TUBB4B: variants seen among roughly 807,000 people sequenced by gnomAD.
TUBB4B encodes the protein tubulin beta-4B chain.
TUBB4B carries 7 observed loss-of-function variants against 34.3 expected under a neutral mutation model. That is an observed-to-expected ratio of 0.20 (90% CI 0.12 to 0.38). The LOEUF (loss-of-function observed/expected upper bound fraction) is 0.38. TUBB4B is among the 10% of genes least tolerant of loss of function. The probability of loss-of-function intolerance (pLI) is 1.00; values close to 1 mark genes in which losing one functional copy is unlikely to be tolerated. For synonymous variants in TUBB4B, 390 were observed against 250.2 expected, an observed-to-expected ratio of 1.56 and a Z score of -5.27; for missense variants, 178 against 610.9, an observed-to-expected ratio of 0.29 and a Z score of 7.47.
chr9:137,242,814 C>T lies in TUBB4B; in HGVS notation c.596C>T (p.Thr199Ile). 1.2e-6 allele frequency: 2 copies of T among 1,613,860 alleles called. No homozygotes were observed. The highest frequency in any genetic ancestry group is 8.5e-7 in the Non-Finnish European group (1 of 1,180,026). ...CAGCTCGTAGAAAACACAGACGAGA[C>T]CTACTGCATTGATAACGAAGCTCTC... ...VHQLVENTDETYCIDNEALYD... is the reference protein window; with the variant it reads ...VHQLVENTDEIYCIDNEALYD... Residue 199 changes from threonine to isoleucine, a missense_variant, in exon 4 of 4, where the codon ACC becomes ATC. By Grantham distance (89) the Thr-to-Ile change is moderately conservative (BLOSUM62 -1). Coordinates refer to ENST00000340384, the MANE Select transcript of TUBB4B (RefSeq NM_006088.6).
chr9:137,243,376 G>A lies in TUBB4B; in HGVS notation c.1158G>A (p.Thr386=), dbSNP rs552169856. The A allele has an allele frequency of 3.5e-5, 56 of 1,613,558 alleles. 1 individual carries two copies. The highest frequency in any genetic ancestry group is 8.8e-5 in the South Asian group (8 of 91,088). ...ELFKRISEQF[T]AMFRRKAFLH... ...TCAAGCGCATCTCCGAGCAGTTCAC[G>A]GCCATGTTCCGGCGCAAGGCCTTCC... The change falls in exon 4 of 4, where the codon ACG becomes ACA. Residue 386 remains threonine (T), a synonymous_variant. Transcript: ENST00000340384.
At chr9:137,242,381 C>T (rs1836772788) in intron 3 of TUBB4B, 115 bp from the exon 4 acceptor site, 7 of 1,305,994 alleles carry the variant, frequency 5.4e-6, no homozygotes, top group East Asian at 4.9e-5. Context: ...TTTGCTCTAC[C>T]TCCAGGGTGA....
At chr9:137,241,484 TGGCGGCAGC>T in intron 1 of TUBB4B, 67 bp downstream of exon 1, 3 of 1,278,764 alleles carry the variant, frequency 2.3e-6, no homozygotes, top group Non-Finnish European at 3.0e-6. Context: ...CCGGGGAAGA[TGGCGGCAGC>T]AGCGGCCGGG....
Position 137,241,954 on chromosome 9 carries a change from C to T in TUBB4B, c.210C>T (p.Pro70=), listed in dbSNP as rs11545613. ...VPRAVLVDLE[P]GTMDSVRSGP... ...GCGCCGTGCTCGTGGATCTGGAGCCCGGCACCATGGACTCCGTGCGCTCGG... is the reference window on the plus strand; with the variant it reads ...GCGCCGTGCTCGTGGATCTGGAGCCTGGCACCATGGACTCCGTGCGCTCGG... Residue 70 remains proline, a synonymous_variant, in exon 3 of 4, where the codon CCC becomes CCT. Coordinates refer to ENST00000340384, the MANE Select transcript of TUBB4B (RefSeq NM_006088.6). The T allele has an allele frequency of 6.2e-7, 1 of 1,611,498 alleles. No homozygotes were observed. Among genetic ancestry groups the T allele is most frequent in the East Asian group, 2.2e-5 (1 of 44,870 alleles).
rs765680389 is a variant in TUBB4B, at chr9:137,243,130, C to T, written c.912C>T (p.Asp304=). ...CCAAGAACATGATGGCTGCCTGCGA[C>T]CCCCGCCATGGCCGCTACCTGACGG... ...FDAKNMMAAC[D]PRHGRYLTVA... is the part of the protein sequence containing the mutation. The change falls in exon 4 of 4, where the codon GAC becomes GAT. Residue 304 remains aspartate (D), a synonymous_variant. Coordinates refer to ENST00000340384, the MANE Select transcript of TUBB4B (RefSeq NM_006088.6). 3.7e-6 allele frequency: 6 copies of T among 1,613,038 alleles called. No individual in the cohort carries two copies. The highest frequency in any genetic ancestry group is 2.2e-5 in the East Asian group (1 of 44,892).
rs1202798493 is a variant in TUBB4B, at chr9:137,243,605, C to T, written c.*49C>T. ...AGGGAAGCAGTGTGAACTCTTTATT[C>T]ACTCCCAGCCTGTCCTGTGGCCTGT... On this transcript the variant is annotated 3_prime_UTR_variant, in exon 4 of 4. Coordinates refer to ENST00000340384, the MANE Select transcript of TUBB4B (RefSeq NM_006088.6). 6.2e-7 allele frequency: 1 copy of T among 1,613,010 alleles called. No individual in the cohort carries two copies. Among genetic ancestry groups the T allele is most frequent in the Non-Finnish European group, 8.5e-7 (1 of 1,179,194 alleles).
intron 3 of TUBB4B, 32 bp downstream of exon 3, chr9:137,242,053 C>G: frequency 3.1e-6 from 5 of 1,602,090 alleles, no homozygotes; most frequent in Non-Finnish European, 3.4e-6. Context: ...GGCGGCGGCT[C>G]AAAGGTCAAG....
intron 2 of TUBB4B, 41 bp downstream of exon 2, chr9:137,241,870 C>A (rs920012485): frequency 6.2e-7 from 1 of 1,611,474 alleles, no homozygotes; most frequent in Non-Finnish European, 8.5e-7. Context: ...TCCGGGGACC[C>A]CGCGGCCCCT....
chr9:137,242,351 T>G (rs916154567), intron 3 of TUBB4B, 145 bp from the exon 4 acceptor site: 3 of 1,009,048 alleles, frequency 3.0e-6, no homozygotes, highest in Non-Finnish European at 4.3e-6. Context: ...GGCTGCCGTC[T>G]TTTGGCTTTG....
At position 137,241,292 on chromosome 9, in the gene TUBB4B, T is replaced by A; in HGVS notation, c.-69T>A. ...GTTGGCGGAGCGTCGGTTGTAGCAC[T>A]CTGCGCGCCCGCTCTTCTGCTGCTG... On this transcript the variant is annotated 5_prime_UTR_variant, in exon 1 of 4. Coordinates refer to ENST00000340384, the MANE Select transcript of TUBB4B (RefSeq NM_006088.6). 49 of 1,519,306 alleles carry A rather than the reference T, an allele frequency of 3.2e-5. No individual in the cohort carries two copies. Among genetic ancestry groups the A allele is most frequent in the Non-Finnish European group, 4.1e-5 (46 of 1,125,930 alleles). 94.1% of individuals were successfully genotyped at this position (1,519,306 alleles called of 1,614,324 possible). A position where few individuals can be genotyped will look rare whatever the true frequency, so the allele number is the denominator to read the frequency against.
At chr9:137,242,407 C>A (rs1308763886) in intron 3 of TUBB4B, 89 bp from the exon 4 acceptor site, 1 of 1,479,708 alleles carries the variant, frequency 6.8e-7, no homozygotes, top group Non-Finnish European at 9.2e-7. Context: ...GTGGTCAGCT[C>A]ACACCATGTC....
At chr9:137,242,108 C>A in intron 3 of TUBB4B, 87 bp downstream of exon 3, 1 of 1,285,868 alleles carries the variant, frequency 7.8e-7, no homozygotes, top group Non-Finnish European at 1.1e-6. Context: ...CAGCCGGGGC[C>A]CCTGGACGCC....
At chr9:137,242,196 G>A (rs1310384762) in intron 3 of TUBB4B, 175 bp downstream of exon 3, 2 of 700,888 alleles carry the variant, frequency 2.9e-6, no homozygotes, top group Non-Finnish European at 4.7e-6. Context: ...CCGAGGCGAG[G>A]AGCCGCCACA....
chr9:137,241,593 G>A (rs1836743659), intron 1 of TUBB4B, 128 bp from the exon 2 acceptor site: 1 of 759,608 alleles, frequency 1.3e-6, no homozygotes, highest in Non-Finnish European at 1.6e-6. Context: ...GGCGGCCAGG[G>A]CGCGCGGGGC....
chr9:137,243,649 T>C lies in TUBB4B; in HGVS notation c.*93T>C, dbSNP rs369390788. 9.3e-6 allele frequency: 15 copies of C among 1,613,934 alleles called. No individual in the cohort carries two copies. The African/African-American group carries it at 1.7e-4, about 19-fold the overall frequency. On this transcript the variant is annotated 3_prime_UTR_variant, in exon 4 of 4. Transcript: ENST00000340384. ...GGCCTGTCCCACTGTGTGCACTTGC[T>C]GTTTTCCCTGTCCACATCCATGCTG...
intron 3 of TUBB4B, 66 bp downstream of exon 3, chr9:137,242,087 T>C: frequency 1.3e-6 from 2 of 1,510,426 alleles, no homozygotes; most frequent in South Asian, 1.2e-5. Context: ...GGCACCGCCG[T>C]GGGAACTGCG....
At chr9:137,242,101 C>A (rs1181861773) in intron 3 of TUBB4B, 80 bp downstream of exon 3, 8 of 1,421,166 alleles carry the variant, frequency 5.6e-6, no homozygotes, top group Non-Finnish European at 6.7e-6. Flanking sequence ...AACTGCGCAG[C>A]CGGGGCCCCT....
chr9:137,241,387 C>T lies in TUBB4B; in HGVS notation c.27C>T (p.Ala9=), dbSNP rs1444026076. The T allele has an allele frequency of 4.4e-6, 7 of 1,600,872 alleles. No homozygotes were observed. The highest frequency in any genetic ancestry group is 4.6e-5 in the East Asian group (2 of 43,356). Residue 9 remains alanine (A), a synonymous_variant, in exon 1 of 4, where the codon GCC becomes GCT. Transcript: ENST00000340384. ...TGAGGGAAATCGTGCACTTGCAGGC[C>T]GGGCAGTGCGGCAACCAAATCGGCG... MREIVHLQ[A]GQCGNQIGAK... is the part of the protein sequence containing the mutation.
At chr9:137,241,862 C>T (rs1468414419) in intron 2 of TUBB4B, 33 bp downstream of exon 2, 11 of 1,611,682 alleles carry the variant, frequency 6.8e-6, no homozygotes, top group Non-Finnish European at 9.3e-6. Context: ...GACCGCCCTC[C>T]GGGGACCCCG....
Sources: allele counts gnomAD v4.1 joint callset, GRCh38; gene constraint gnomAD v4.1.1; transcripts MANE v1.5; gene names NCBI Gene and HGNC (gene_info 2026-07-23, HGNC 2026-07-21).